FGF1: variants seen among roughly 807,000 people sequenced by gnomAD.
FGF1 encodes the protein fibroblast growth factor 1, also known as beta-endothelial cell growth factor.
A neutral mutation model predicts 13.4 loss-of-function variants in FGF1; 9 were observed. That is an observed-to-expected ratio of 0.67 (90% CI 0.40 to 1.17). The LOEUF (loss-of-function observed/expected upper bound fraction) is 1.17, where lower values mean the gene tolerates loss of function less well. FGF1 is among the 50% of genes most tolerant of loss of function. The probability of loss-of-function intolerance (pLI) is 0.01; values close to 1 mark genes in which losing one functional copy is unlikely to be tolerated. For missense variants in FGF1, 156 were observed against 192.7 expected, an observed-to-expected ratio of 0.81 and a Z score of 1.13; for synonymous variants, 93 against 79.0, an observed-to-expected ratio of 1.18 and a Z score of -0.94.
At chr5:142,687,114 AGTGTGT>A (rs150596132), upstream of FGF1, among the ~76,000 whole-genome samples, 2 of 150,076 alleles carry the variant, frequency 1.3e-5, no homozygotes, top group African/African-American at 2.4e-5. Flanking sequence ...AGAAGGCATG[AGTGTGT>A]GTGTGTGTGT....
intron 1 of FGF1, among the ~76,000 whole-genome samples, chr5:142,628,203 A>T (rs899527086): frequency 6.6e-6 from 1 of 152,204 alleles, no homozygotes; most frequent in Non-Finnish European, 1.5e-5. Context: ...GAAGGTGCAC[A>T]TTGCAGTCAA....
chr5:142,605,817 G>A (rs1229866867), intron 2 of FGF1, among the ~76,000 whole-genome samples: 1 of 152,176 alleles, frequency 6.6e-6, no homozygotes, highest in African/African-American at 2.4e-5. Context: ...AGCGGCTTGT[G>A]TAGCTGGCTT....
intron 1 of FGF1, chr5:142,621,285 C>T (rs912089141): frequency 1.7e-4 from 26 of 152,148 alleles, no homozygotes; most frequent in African/African-American, 6.3e-4. Context: ...CCCCCTACAC[C>T]CTCATACTCA....
At chr5:142,649,142 G>C (rs1464915625) in intron 1 of FGF1, among the ~76,000 whole-genome samples, 1 of 152,160 alleles carries the variant, frequency 6.6e-6, no homozygotes, top group African/African-American at 2.4e-5. Context: ...TAAAATGTTA[G>C]AAAGTTGTGA....
rs1279097412 is a variant in FGF1, at chr5:142,593,868, C to G, written c.*1422G>C. 1 of 152,612 alleles carries G rather than the reference C, an allele frequency of 6.6e-6. No homozygotes were observed. The highest frequency in any genetic ancestry group is 1.5e-5 in the Non-Finnish European group (1 of 68,038). The allele number at this position is 152,612 out of a possible 1,614,324, so 9.5% of individuals were successfully genotyped here. The stretch of plus-strand genomic sequence containing the variant: ...CATATGTTAGAGATGAATGGTGTTT[C>G]TAATTTGCTAGCCACCTGGGTCAAG... On this transcript the variant is annotated 3_prime_UTR_variant, in exon 4 of 4. Coordinates refer to ENST00000337706, the MANE Select transcript of FGF1 (RefSeq NM_000800.5).
upstream of FGF1, among the ~76,000 whole-genome samples, chr5:142,689,602 G>A (rs1447366942): frequency 6.6e-6 from 1 of 151,912 alleles, no homozygotes; most frequent in Non-Finnish European, 1.5e-5. Flanking sequence ...AGGGGAGGAT[G>A]CTTGGGAAGG....
In FGF1 at chr5:142,595,144, G is replaced by A. The variant is rs774780017; in HGVS notation, c.*146C>T. The A allele has an allele frequency of 1.6e-6, 1 of 641,552 alleles. No individual in the cohort carries two copies. The highest frequency in any genetic ancestry group is 2.7e-6 in the Non-Finnish European group (1 of 368,886). 39.7% of individuals were successfully genotyped at this position (641,552 alleles called of 1,614,324 possible). On this transcript the variant is annotated 3_prime_UTR_variant, in exon 4 of 4. Coordinates refer to ENST00000337706, the MANE Select transcript of FGF1 (RefSeq NM_000800.5). Reference sequence around the variant, plus strand: ...AAAAGGCTCTGCAAAGAAGTGAACTGGGCATTTAGAAGCAAGTTGCTTACA... The same window carrying A: ...AAAAGGCTCTGCAAAGAAGTGAACTAGGCATTTAGAAGCAAGTTGCTTACA...
chr5:142,601,979 C>A (rs1304402362), intron 2 of FGF1, among the ~76,000 whole-genome samples: 2 of 152,120 alleles, frequency 1.3e-5, no homozygotes, highest in African/African-American at 2.4e-5. Flanking sequence ...GTCACTAGAC[C>A]GTCACAACCA....
chr5:142,614,857 C>T (rs1439517629), intron 1 of FGF1, among the ~76,000 whole-genome samples: 2 of 152,134 alleles, frequency 1.3e-5, no homozygotes, highest in Non-Finnish European at 1.5e-5. Flanking sequence ...GAAGGCTATG[C>T]CTGGTTCCTG....
intron 1 of FGF1, among the ~76,000 whole-genome samples, chr5:142,633,980 C>T (rs901959445): frequency 6.0e-5 from 9 of 150,158 alleles, no homozygotes; most frequent in Non-Finnish European, 1.0e-4. Context: ...GTCAGGAGAT[C>T]GAGATCATCC....
chr5:142,616,237 T>C (rs892844800), intron 1 of FGF1, among the ~76,000 whole-genome samples: 6 of 152,238 alleles, frequency 3.9e-5, no homozygotes, highest in African/African-American at 1.4e-4. Context: ...ATCTGTTTTC[T>C]CTGCTCCTGG....
intron 1 of FGF1, among the ~76,000 whole-genome samples, chr5:142,629,895 A>ATATTT (rs367828611): frequency 6.3e-5 from 8 of 127,868 alleles, no homozygotes; most frequent in East Asian, 2.0e-4. Flanking sequence ...ATATATATAT[A>ATATTT]TTTTTTTTTT....
chr5:142,647,096 G>A (rs1418522524), intron 1 of FGF1, among the ~76,000 whole-genome samples: 2 of 152,216 alleles, frequency 1.3e-5, no homozygotes, highest in African/African-American at 4.8e-5. Flanking sequence ...AAGGGTGGCA[G>A]AGTATGCAAC....
Position 142,642,007 on chromosome 5 carries a change from ATTAACCTCT to A in FGF1, c.-34-27855_-34-27847del, listed in dbSNP as rs568765537. ...GGATCTGAAGGTGGCACTGGAGATG[ATTAACCTCT>A]CAAATAGACACATAAATTAACTGGT... On this transcript the variant is annotated intron_variant, in intron 1 of 3. Coordinates refer to ENST00000337706, the MANE Select transcript of FGF1 (RefSeq NM_000800.5). 5.3e-4 allele frequency among the ~76,000 whole-genome samples: 80 copies of A among 152,374 alleles called. 1 individual carries two copies. The highest frequency in any genetic ancestry group is 1.6e-3 in the African/African-American group (68 of 41,590).
At chr5:142,688,084 AAC>A (rs1160012461), upstream of FGF1, among the ~76,000 whole-genome samples, 1 of 152,160 alleles carries the variant, frequency 6.6e-6, no homozygotes, top group Non-Finnish European at 1.5e-5. Context: ...ACCCTGTTTA[AAC>A]ACACACACTC....
intron 1 of FGF1, among the ~76,000 whole-genome samples, chr5:142,679,567 G>A (rs1393333513): frequency 3.3e-5 from 5 of 152,236 alleles, no homozygotes; most frequent in Non-Finnish European, 5.9e-5. Flanking sequence ...CACACAGGAG[G>A]CATCCATGCT....
intron 1 of FGF1, among the ~76,000 whole-genome samples, chr5:142,617,988 T>A (rs75806163): frequency 0.016 from 2,427 of 152,314 alleles, 71 homozygotes; most frequent in African/African-American, 0.054. Flanking sequence ...ATTAACTAAG[T>A]GAAATCAGGC....
chr5:142,645,070 AT>A (rs1197914407), intron 1 of FGF1, among the ~76,000 whole-genome samples: 2 of 134,052 alleles, frequency 1.5e-5, no homozygotes, highest in Non-Finnish European at 3.3e-5. Flanking sequence ...TGGGTGAGTA[AT>A]CCCCCAGGCA....
chr5:142,632,072 C>A (rs1436153265), intron 1 of FGF1, among the ~76,000 whole-genome samples: 1 of 152,190 alleles, frequency 6.6e-6, no homozygotes, highest in Non-Finnish European at 1.5e-5. Context: ...CGAGCCACCA[C>A]GCCCGGCCTA....
Sources: gnomAD v4.1 joint callset for allele counts (sites outside exome capture counted in the v4.1 genomes callset) on GRCh38, gnomAD v4.1.1 for gene constraint, MANE v1.5 for transcripts, NCBI Gene and HGNC (gene_info 2026-07-23, HGNC 2026-07-21) for gene names.